Variants in THSD4 observed in about 807,000 individuals in gnomAD.
The protein encoded by THSD4 is thrombospondin type 1 domain containing 4, also known as thrombospondin type-1 domain-containing protein 4.
A neutral mutation model predicts 119.0 loss-of-function variants in THSD4; 69 were observed. The observed-to-expected ratio is 0.58, with a 90% CI of 0.48 to 0.71. The LOEUF (loss-of-function observed/expected upper bound fraction) is 0.71, where lower values mean the gene tolerates loss of function less well. THSD4 is among the 30% of genes least tolerant of loss of function. The pLI is 0.00. For synonymous variants in THSD4, 524 were observed against 540.4 expected (o/e 0.97, Z 0.42); for missense variants, 1,393 against 1,391.1 (o/e 1.00, Z -0.02).
chr15:71,586,710 T>C (rs1241574915), intron 7 of THSD4, among the ~76,000 whole-genome samples: 2 of 152,224 alleles, frequency 1.3e-5, no homozygotes, highest in African/African-American at 4.8e-5. Context: ...TAACATAACC[T>C]AATTGTGGGA....
chr15:71,348,186 T>G (rs993511097), intron 6 of THSD4: 2 of 152,228 alleles, frequency 1.3e-5, no homozygotes, highest in Non-Finnish European at 2.9e-5. Context: ...AGGTTGTCTT[T>G]TCGGCTCCTC....
intron 7 of THSD4, among the ~76,000 whole-genome samples, chr15:71,562,087 CA>C (rs754047627): frequency 6.6e-6 from 1 of 152,112 alleles, no homozygotes; most frequent in Non-Finnish European, 1.5e-5. Flanking sequence ...GTGGCTTGCC[CA>C]GGACCACACA....
chr15:71,754,960 A>G (rs1356871400), intron 14 of THSD4, among the ~76,000 whole-genome samples: 1 of 152,214 alleles, frequency 6.6e-6, no homozygotes, highest in Non-Finnish European at 1.5e-5. Context: ...TATGGGGGAA[A>G]TTGACAGAAG....
At chr15:71,149,092 G>A (rs1179820744) in intron 2 of THSD4, among the ~76,000 whole-genome samples, 1 of 149,936 alleles carries the variant, frequency 6.7e-6, no homozygotes, top group Non-Finnish European at 1.5e-5. Flanking sequence ...AGGCTGGAGT[G>A]CAGTGGTGCG....
At chr15:71,682,622 A>C (rs1172752770) in intron 8 of THSD4, among the ~76,000 whole-genome samples, 1 of 150,784 alleles carries the variant, frequency 6.6e-6, no homozygotes, top group East Asian at 1.9e-4. Flanking sequence ...GGAGTAGAGT[A>C]TAAAATGAGA....
At chr15:71,425,485 A>G (rs2046855721) in intron 7 of THSD4, among the ~76,000 whole-genome samples, 1 of 152,072 alleles carries the variant, frequency 6.6e-6, no homozygotes, top group Non-Finnish European at 1.5e-5. Flanking sequence ...ACTAAATTCC[A>G]CCTGCAGCTC....
chr15:71,322,207 C>T lies in THSD4; in HGVS notation c.1015+65492C>T, dbSNP rs371756917. 1.2e-3 allele frequency among the ~76,000 whole-genome samples: 182 copies of T among 152,144 alleles called. 11 individuals are homozygous for T. In the South Asian group the frequency reaches 0.037, roughly 31 times the overall value. On this transcript the variant is annotated intron_variant, in intron 6 of 17. Transcript: ENST00000261862. ...GACCCCTTGGTCTCCTGATTTGTAC[C>T]TGCTGACTTGCTTGCTAGAAAACAG...
At chr15:71,267,798 T>C (rs987023123) in intron 6 of THSD4, among the ~76,000 whole-genome samples, 1 of 151,968 alleles carries the variant, frequency 6.6e-6, no homozygotes, top group Non-Finnish European at 1.5e-5. Context: ...AAAAAAGGCA[T>C]GGATTGCAAT....
At chr15:71,661,083 T>C (rs780650323) in intron 8 of THSD4, among the ~76,000 whole-genome samples, 1 of 152,232 alleles carries the variant, frequency 6.6e-6, no homozygotes, top group Non-Finnish European at 1.5e-5. Flanking sequence ...GTTTGTTCTG[T>C]TGGGATTTGA....
intron 9 of THSD4, chr15:71,729,051 T>C: frequency 3.2e-6 from 1 of 311,720 alleles, no homozygotes; most frequent in Non-Finnish European, 6.1e-6. Flanking sequence ...TCCAGGCACT[T>C]TCCTTATACT....
intron 8 of THSD4, among the ~76,000 whole-genome samples, chr15:71,683,589 T>C (rs1282552762): frequency 6.6e-6 from 1 of 152,220 alleles, no homozygotes; most frequent in Admixed American, 6.5e-5. Context: ...GTTGTCAATG[T>C]CTTAAGGAAT....
chr15:71,157,768 A>G (rs1437428999), intron 3 of THSD4, among the ~76,000 whole-genome samples: 1 of 150,736 alleles, frequency 6.6e-6, no homozygotes, highest in Non-Finnish European at 1.5e-5. Context: ...CACTTTAAAC[A>G]TAATAACCTC....
chr15:71,112,622 A>C (rs943929144), upstream of THSD4, among the ~76,000 whole-genome samples: 2 of 152,230 alleles, frequency 1.3e-5, no homozygotes, highest in African/African-American at 4.8e-5. Flanking sequence ...GCTGACACTG[A>C]CATGCCAGGC....
chr15:71,351,361 A>AG (rs35171742), intron 6 of THSD4, among the ~76,000 whole-genome samples: 29,512 of 152,086 alleles, frequency 0.19, 3,149 homozygotes, highest in Non-Finnish European at 0.25. Flanking sequence ...ATGATTGCAA[A>AG]GGGAAAAGAA....
intron 8 of THSD4, among the ~76,000 whole-genome samples, chr15:71,671,901 T>C (rs1330556822): frequency 1.3e-5 from 2 of 152,240 alleles, no homozygotes; most frequent in Non-Finnish European, 2.9e-5. Flanking sequence ...TGTAGTATAG[T>C]TTGAAGTCAG....
At chr15:71,323,699 C>T (rs2045304451) in intron 6 of THSD4, among the ~76,000 whole-genome samples, 1 of 152,136 alleles carries the variant, frequency 6.6e-6, no homozygotes, top group Non-Finnish European at 1.5e-5. Flanking sequence ...CTATATATTC[C>T]TTTGGCAGAA....
chr15:71,664,914 T>C (rs2051385612), intron 8 of THSD4, among the ~76,000 whole-genome samples: 1 of 152,244 alleles, frequency 6.6e-6, no homozygotes, highest in African/African-American at 2.4e-5. Flanking sequence ...TTTAGGTTGA[T>C]TCCATGTCTT....
intron 6 of THSD4, among the ~76,000 whole-genome samples, chr15:71,369,001 A>G (rs1302030325): frequency 6.6e-6 from 1 of 152,154 alleles, no homozygotes; most frequent in Non-Finnish European, 1.5e-5. Flanking sequence ...GGTCCTTCAC[A>G]TCCCTTGTAA....
chr15:71,509,002 G>C (rs1287400245), intron 7 of THSD4, among the ~76,000 whole-genome samples: 1 of 148,718 alleles, frequency 6.7e-6, no homozygotes, highest in African/African-American at 2.5e-5. Context: ...TGGAATCTTT[G>C]GATACCGAGT....
Sources: gnomAD v4.1 joint callset for allele counts (sites outside exome capture counted in the v4.1 genomes callset) on GRCh38, gnomAD v4.1.1 for gene constraint, MANE v1.5 for transcripts, NCBI Gene and HGNC (gene_info 2026-07-23, HGNC 2026-07-21) for gene names.